ARHGAP24: variants seen among roughly 807,000 people sequenced by gnomAD.
The protein encoded by ARHGAP24 is rho GTPase-activating protein 24.
Under a neutral mutation model 76.4 loss-of-function variants are expected in ARHGAP24, and 50 were observed. The ratio of observed to expected loss-of-function variants is 0.65; its 90% CI spans 0.52 to 0.83. ARHGAP24 has a LOEUF of 0.83. Among genes scored for constraint, ARHGAP24 ranks in the 40% least tolerant of loss-of-function variants. The pLI is 0.00. For synonymous variants in ARHGAP24, 345 were observed against 323.3 expected (o/e 1.07, Z -0.72); for missense variants, 930 against 914.2 (o/e 1.02, Z -0.22).
chr4:85,799,450 A>T (rs916564898), intron 3 of ARHGAP24, among the ~76,000 whole-genome samples: 2 of 152,240 alleles, frequency 1.3e-5, no homozygotes, highest in Non-Finnish European at 2.9e-5. Flanking sequence ...AAGGACTATG[A>T]TAAAATTACA....
intron 3 of ARHGAP24, among the ~76,000 whole-genome samples, chr4:85,845,195 G>A (rs34836472): frequency 0.087 from 13,211 of 152,148 alleles, 694 homozygotes; most frequent in Middle Eastern, 0.13. Flanking sequence ...GAAATTTATC[G>A]TTATTACTCA....
At chr4:85,716,204 C>T (rs957248134) in intron 2 of ARHGAP24, among the ~76,000 whole-genome samples, 1 of 151,996 alleles carries the variant, frequency 6.6e-6, no homozygotes, top group Non-Finnish European at 1.5e-5. Context: ...ACAGCATCTA[C>T]CCTTACCCCA....
At chr4:85,686,866 T>G (rs531807866) in intron 2 of ARHGAP24, among the ~76,000 whole-genome samples, 139 of 150,182 alleles carry the variant, frequency 9.3e-4, no homozygotes, top group African/African-American at 3.1e-3. Context: ...TGCTTGTAAA[T>G]TTGGCCAATA....
At position 85,972,172 on chromosome 4, in the gene ARHGAP24, A is replaced by G. The variant is rs1427948031; in HGVS notation, c.732+4A>G. On this transcript the variant is annotated splice_donor_region_variant and intron_variant, in intron 6 of 9. Coordinates refer to ENST00000395184, the MANE Select transcript of ARHGAP24 (RefSeq NM_001025616.3). ...GCTCAGCAAGGAAGAGGAAGCAGTA[A>G]GTTGATGCATTTATTTCCAAATAAG... The G allele has an allele frequency of 1.2e-6, 2 of 1,613,202 alleles. No homozygotes were observed. The highest frequency in any genetic ancestry group is 1.7e-6 in the Non-Finnish European group (2 of 1,179,954).
intron 3 of ARHGAP24, among the ~76,000 whole-genome samples, chr4:85,816,762 AT>A (rs1729259012): frequency 6.6e-6 from 1 of 152,158 alleles, no homozygotes; most frequent in South Asian, 2.1e-4. Context: ...CACTGATTTC[AT>A]TTAATTGGAT....
At chr4:85,561,183 C>T (rs141412040) in intron 1 of ARHGAP24, among the ~76,000 whole-genome samples, 9 of 152,058 alleles carry the variant, frequency 5.9e-5, no homozygotes, top group East Asian at 5.8e-4. Context: ...ACTTTCAGAG[C>T]GGGGTGGTGG....
intron 3 of ARHGAP24, among the ~76,000 whole-genome samples, chr4:85,755,638 T>TTTG: frequency 1.0e-5 from 1 of 95,772 alleles, no homozygotes; most frequent in Non-Finnish European, 2.4e-5. Flanking sequence ...TTTGTTTTGT[T>TTTG]TTGTTTTGTT....
At chr4:85,543,495 G>A (rs1021351641) in intron 1 of ARHGAP24, among the ~76,000 whole-genome samples, 65 of 152,192 alleles carry the variant, frequency 4.3e-4, no homozygotes, top group African/African-American at 1.5e-3. Context: ...TGGTATAGTT[G>A]GGAAAGGTGA....
rs1229396945 is a variant in ARHGAP24 at position 85,745,578 on chromosome 4, G to A, written c.268+23606G>A. Among the ~76,000 whole-genome samples, 3 of 124,938 alleles carry A rather than the reference G, an allele frequency of 2.4e-5. No homozygotes were observed. The East Asian group carries it at 6.6e-4, about 27-fold the overall frequency. 82.0% of individuals were successfully genotyped at this position (124,938 alleles called of 152,430 possible). A position where few individuals can be genotyped will look rare whatever the true frequency, so the allele number is the denominator to read the frequency against. ...TGTACTCCACCCTGAGTGACAGAGT[G>A]ACACCTTATCTCTTAAAAAAAAAAA... On this transcript the variant is annotated intron_variant, in intron 3 of 9. Transcript: ENST00000395184.
chr4:85,747,256 T>C (rs1726076061), intron 3 of ARHGAP24, among the ~76,000 whole-genome samples: 1 of 152,226 alleles, frequency 6.6e-6, no homozygotes, highest in African/African-American at 2.4e-5. Context: ...TATTAAAATA[T>C]CTTTAGAGTA....
rs773699457 is a variant in ARHGAP24 at position 85,514,817 on chromosome 4, TAAAA to T, written c.-21+39281_-21+39284del. Among the ~76,000 whole-genome samples, 591 of 82,482 alleles carry T rather than the reference TAAAA, an allele frequency of 7.2e-3. 5 individuals carry two copies. Among genetic ancestry groups the T allele is most frequent in the Middle Eastern group, 0.022 (2 of 90 alleles). The allele number at this position is 82,482 out of a possible 152,430, so 54.1% of individuals were successfully genotyped here. ...AATATATAGAAATTACTCTAAATTG[TAAAA>T]AAAAAAAAAAAAAAAAAAAAAAGTG... On this transcript the variant is annotated intron_variant, in intron 1 of 9. Transcript: ENST00000395184.
At chr4:85,822,026 G>A (rs1162111475) in intron 3 of ARHGAP24, among the ~76,000 whole-genome samples, 3 of 152,154 alleles carry the variant, frequency 2.0e-5, no homozygotes, top group Non-Finnish European at 4.4e-5. Context: ...GAGGAGCATA[G>A]TGAACTTACA....
In ARHGAP24 at chr4:85,942,218, C is replaced by A. The variant is rs1156256043; in HGVS notation, c.544C>A (p.Leu182Ile). The A allele has an allele frequency of 6.2e-7, 1 of 1,614,054 alleles. No homozygotes were observed. Among genetic ancestry groups the A allele is most frequent in the Non-Finnish European group, 8.5e-7 (1 of 1,179,982 alleles). The change falls in exon 5 of 10, where the codon CTT becomes ATT. Residue 182 changes from leucine (L) to isoleucine (I), a missense_variant. By Grantham distance (5) the Leu-to-Ile change is conservative. Coordinates refer to ENST00000395184, the MANE Select transcript of ARHGAP24 (RefSeq NM_001025616.3). ...GLFRLPGQANLVKELQDAFDC... is the reference protein window; with the variant it reads ...GLFRLPGQANIVKELQDAFDC... ...CTTTCGACTGCCAGGCCAGGCTAAT[C>A]TTGTTAAGGAGCTCCAAGATGCCTT...
At chr4:85,693,369 A>G (rs1175519382) in intron 2 of ARHGAP24, among the ~76,000 whole-genome samples, 1 of 152,074 alleles carries the variant, frequency 6.6e-6, no homozygotes, top group Non-Finnish European at 1.5e-5. Flanking sequence ...TCCTTTCCCA[A>G]CTGGCCCCGT....
intron 1 of ARHGAP24, among the ~76,000 whole-genome samples, chr4:85,514,500 A>G (rs966083570): frequency 6.6e-6 from 1 of 152,100 alleles, no homozygotes; most frequent in Non-Finnish European, 1.5e-5. Context: ...TGTATATTTA[A>G]TAAATAATCA....
At chr4:85,713,119 A>C (rs2110036209) in intron 2 of ARHGAP24, among the ~76,000 whole-genome samples, 1 of 152,158 alleles carries the variant, frequency 6.6e-6, no homozygotes, top group African/African-American at 2.4e-5. Context: ...ACATTATGGC[A>C]AAACCCCATC....
intron 1 of ARHGAP24, among the ~76,000 whole-genome samples, chr4:85,535,671 A>C (rs1725440398): frequency 6.6e-6 from 1 of 152,158 alleles, no homozygotes; most frequent in African/African-American, 2.4e-5. Context: ...CCTCTTCTGC[A>C]CTCTAACAAA....
chr4:85,487,741 TAA>T (rs1723162158), intron 1 of ARHGAP24, among the ~76,000 whole-genome samples: 1 of 98,744 alleles, frequency 1.0e-5, no homozygotes, highest in African/African-American at 5.2e-5. Flanking sequence ...ATATATTATA[TAA>T]TATATATTTA....
intron 2 of ARHGAP24, among the ~76,000 whole-genome samples, chr4:85,710,779 A>G (rs182751609): frequency 1.4e-4 from 22 of 152,320 alleles, no homozygotes; most frequent in Admixed American, 1.4e-3. Context: ...CATACCAGTC[A>G]GAATGGCTGT....
Sources: gnomAD v4.1 joint callset for allele counts (sites outside exome capture counted in the v4.1 genomes callset) on GRCh38, gnomAD v4.1.1 for gene constraint, MANE v1.5 for transcripts, NCBI Gene and HGNC (gene_info 2026-07-23, HGNC 2026-07-21) for gene names.